The following MAP2 variants were observed in gnomAD, a reference collection of about 807,000 sequenced individuals.
MAP2 encodes the protein microtubule-associated protein 2.
Under a neutral mutation model 137.6 loss-of-function variants are expected in MAP2, and 14 were observed. The ratio of observed to expected loss-of-function variants is 0.10; its 90% CI spans 0.07 to 0.16. The LOEUF (loss-of-function observed/expected upper bound fraction) is 0.16. Ranked by LOEUF, MAP2 falls within the 10% of genes least tolerant of loss-of-function variation. The pLI, the probability that MAP2 is intolerant of heterozygous loss-of-function variation, is 1.00. For synonymous variants in MAP2, 786 were observed against 782.3 expected (o/e 1.00, Z -0.08); for missense variants, 2,088 against 2,191.5 (o/e 0.95, Z 0.94).
intron 4 of MAP2, among the ~76,000 whole-genome samples, chr2:209,649,987 A>G (rs896668997): frequency 2.6e-5 from 4 of 152,200 alleles, no homozygotes; most frequent in African/African-American, 9.6e-5. Context: ...TTGAAAACAA[A>G]TTATCATAAT....
intron 1 of MAP2, among the ~76,000 whole-genome samples, chr2:209,430,160 A>G (rs546701181): frequency 6.7e-6 from 1 of 150,330 alleles, no homozygotes; most frequent in East Asian, 1.9e-4. Context: ...TTTTATCTTA[A>G]TAGGTCATCT....
chr2:209,474,110 C>T lies in MAP2; in HGVS notation c.-221-33482C>T, dbSNP rs540407428. ...AAACTTTAGAAGTAGTACTCATTAC[C>T]TTAGATGCTCTCTATAGTGGTTTAC... On this transcript the variant is annotated intron_variant, in intron 1 of 15. Transcript: ENST00000682079. Among the ~76,000 whole-genome samples the T allele has an allele frequency of 9.3e-5, 11 of 117,788 alleles. No individual in the cohort carries two copies. The East Asian group carries it at 2.5e-3, about 27-fold the overall frequency. 77.3% of individuals were successfully genotyped at this position (117,788 alleles called of 152,430 possible).
chr2:209,456,851 A>G (rs1701648132), intron 1 of MAP2, among the ~76,000 whole-genome samples: 1 of 152,190 alleles, frequency 6.6e-6, no homozygotes, highest in Non-Finnish European at 1.5e-5. Flanking sequence ...ACATTCAAGA[A>G]TTGGGAGTTG....
chr2:209,719,766 T>G (rs2069427455), intron 13 of MAP2, among the ~76,000 whole-genome samples: 1 of 152,166 alleles, frequency 6.6e-6, no homozygotes, highest in Non-Finnish European at 1.5e-5. Flanking sequence ...AAAGAATTAG[T>G]AAAATTAAAA....
At chr2:209,487,233 T>A (rs2058503252) in intron 1 of MAP2, among the ~76,000 whole-genome samples, 1 of 152,204 alleles carries the variant, frequency 6.6e-6, no homozygotes, top group African/African-American at 2.4e-5. Context: ...AGCCTCTGAC[T>A]CAGAGAAGTG....
rs1027261316 is a variant in MAP2 at position 209,473,867 on chromosome 2, T to C, written c.-221-33725T>C. ...AATACATATTTGTATCCTTGTATTT[T>C]ACAGCATATATTTTAAAAAAATTAT... On this transcript the variant is annotated intron_variant, in intron 1 of 15. Coordinates refer to ENST00000682079, the MANE Select transcript of MAP2 (RefSeq NM_001375505.1). Among the ~76,000 whole-genome samples, 3 of 152,196 alleles carry C rather than the reference T, an allele frequency of 2.0e-5. No homozygotes were observed. In the East Asian group the frequency reaches 5.8e-4, roughly 29 times the overall value.
At chr2:209,717,440 G>T (rs1036190965) in intron 13 of MAP2, among the ~76,000 whole-genome samples, 1 of 152,102 alleles carries the variant, frequency 6.6e-6, no homozygotes, top group African/African-American at 2.4e-5. Context: ...TGAGATTTGG[G>T]CAGGGACACA....
chr2:209,614,307 G>T (rs1249315447), intron 3 of MAP2, among the ~76,000 whole-genome samples: 1 of 152,010 alleles, frequency 6.6e-6, no homozygotes, highest in African/African-American at 2.4e-5. Flanking sequence ...AGAAGAACGA[G>T]GAAAACATCT....
intron 5 of MAP2, among the ~76,000 whole-genome samples, chr2:209,655,704 TGATTATTTTAA>T (rs1485492405): frequency 6.6e-6 from 1 of 152,222 alleles, no homozygotes; most frequent in Non-Finnish European, 1.5e-5. Flanking sequence ...TATTTTGATG[TGATTATTTTAA>T]AAAGGACCAG....
chr2:209,719,173 C>G (rs182832076), intron 13 of MAP2, among the ~76,000 whole-genome samples: 325 of 152,274 alleles, frequency 2.1e-3, no homozygotes, highest in African/African-American at 7.4e-3. Context: ...TGCCACTGTT[C>G]ACTCCCCCTT....
chr2:209,433,194 A>G (rs890833191), intron 1 of MAP2, among the ~76,000 whole-genome samples: 4 of 152,310 alleles, frequency 2.6e-5, no homozygotes, highest in Admixed American at 6.5e-5. Context: ...CAAGTGAAAT[A>G]ATAAATGAAC....
intron 3 of MAP2, among the ~76,000 whole-genome samples, chr2:209,595,516 T>C (rs2081012342): frequency 6.6e-6 from 1 of 152,316 alleles, no homozygotes; most frequent in South Asian, 2.1e-4. Flanking sequence ...GGTGGGAGTG[T>C]AAACTAGTTC....
chr2:209,666,678 A>G (rs1254521273), intron 5 of MAP2, among the ~76,000 whole-genome samples: 1 of 152,030 alleles, frequency 6.6e-6, no homozygotes, highest in African/African-American at 2.4e-5. Context: ...TTTAAGGGTG[A>G]ACTTAAATTA....
intron 3 of MAP2, among the ~76,000 whole-genome samples, chr2:209,617,926 A>C (rs1219438029): frequency 6.6e-6 from 1 of 152,158 alleles, no homozygotes; most frequent in East Asian, 1.9e-4. Context: ...TAAATTCAAA[A>C]TGCTATCAAA....
intron 1 of MAP2, among the ~76,000 whole-genome samples, chr2:209,447,449 G>A (rs1411727514): frequency 1.3e-5 from 2 of 151,996 alleles, no homozygotes; most frequent in Non-Finnish European, 2.9e-5. Context: ...AATGTAATAT[G>A]TTATATAACC....
chr2:209,514,185 A>G (rs1390483025), intron 2 of MAP2, among the ~76,000 whole-genome samples: 1 of 152,098 alleles, frequency 6.6e-6, no homozygotes, highest in Non-Finnish European at 1.5e-5. Context: ...ATGTTTTTTT[A>G]ATACAAAGAT....
chr2:209,664,884 C>G (rs1013742596), intron 5 of MAP2, among the ~76,000 whole-genome samples: 1 of 146,188 alleles, frequency 6.8e-6, no homozygotes, highest in Non-Finnish European at 1.5e-5. Flanking sequence ...CGCTTGAACC[C>G]AGGAGGCGGA....
intron 2 of MAP2, among the ~76,000 whole-genome samples, chr2:209,534,402 A>G (rs2065643213): frequency 6.6e-6 from 1 of 151,992 alleles, no homozygotes; most frequent in Non-Finnish European, 1.5e-5. Flanking sequence ...CTTCGCTGCC[A>G]TGTGGTCTGT....
At chr2:209,567,835 C>A (rs1256405899) in intron 2 of MAP2, among the ~76,000 whole-genome samples, 1 of 151,974 alleles carries the variant, frequency 6.6e-6, no homozygotes, top group East Asian at 1.9e-4. Flanking sequence ...GCCAGTATAT[C>A]TTTTACCTAA....
Sources: allele counts gnomAD v4.1 joint callset (sites outside exome capture counted in the v4.1 genomes callset), GRCh38; gene constraint gnomAD v4.1.1; transcripts MANE v1.5; gene names NCBI Gene and HGNC (gene_info 2026-07-23, HGNC 2026-07-21).